ZNF281: variants seen among roughly 807,000 people sequenced by gnomAD.
The protein encoded by ZNF281 is GC-box-binding zinc finger protein 1.
Under a neutral mutation model 58.8 loss-of-function variants are expected in ZNF281, and 2 were observed. The ratio of observed to expected loss-of-function variants is 0.03; its 90% CI spans 0.01 to 0.11. ZNF281 has a LOEUF of 0.11. Among genes scored for constraint, ZNF281 ranks in the 10% least tolerant of loss-of-function variants. The pLI, the probability that ZNF281 is intolerant of heterozygous loss-of-function variation, is 1.00. For synonymous variants in ZNF281, 465 were observed against 407.7 expected (o/e 1.14, Z -1.69); for missense variants, 975 against 1,090.7 (o/e 0.89, Z 1.49).
In ZNF281 at chr1:200,406,880, A is replaced by G; in HGVS notation, c.*138T>C. On this transcript the variant is annotated 3_prime_UTR_variant, in exon 2 of 2. Transcript: ENST00000367353. Reference sequence around the variant, plus strand: ...AGAGCTAAAATCACGCTAACAAAATAAACTAAATATGAAAAGTTGCATTGA... The same window carrying G: ...AGAGCTAAAATCACGCTAACAAAATGAACTAAATATGAAAAGTTGCATTGA... 1 of 770,560 alleles carries G rather than the reference A, an allele frequency of 1.3e-6. No individual in the cohort carries two copies. The highest frequency in any genetic ancestry group is 2.0e-6 in the Non-Finnish European group (1 of 510,738). The allele number at this position is 770,560 out of a possible 1,614,324, so 47.7% of individuals were successfully genotyped here.
chr1:200,407,241 G>T lies in ZNF281; in HGVS notation c.2465C>A (p.Pro822His). 6.2e-7 allele frequency: 1 copy of T among 1,614,184 alleles called. No homozygotes were observed. Among genetic ancestry groups the T allele is most frequent in the Non-Finnish European group, 8.5e-7 (1 of 1,180,036 alleles). ...GTTCTCAATCTGATACGTTGTTCTA[G>T]GCTCTATGTCTTTCTGAGGATCTAT... ...SQIDPQKDIE[P>H]RTTYQIENFA... The change falls in exon 2 of 2, where the codon CCT (proline) becomes CAT (histidine). Residue 822 changes from proline (P) to histidine (H), a missense_variant. By Grantham distance (77) the Pro-to-His change is moderately conservative. Transcript: ENST00000367353.
Position 200,409,982 on chromosome 1 carries a change from T to G in ZNF281, c.-55A>C, listed in dbSNP as rs918337251. On this transcript the variant is annotated 5_prime_UTR_variant, in exon 1 of 2. Coordinates refer to ENST00000367353, the MANE Select transcript of ZNF281 (RefSeq NM_001281293.2). ...CCGCCGCAGCCGCCGTCGCCTCCAG[T>G]TAATAAAAATAACGCCGTCCTCTCC... is the stretch of plus-strand genomic sequence containing the variant. 8 of 586,712 alleles carry G rather than the reference T, an allele frequency of 1.4e-5. No homozygotes were observed. The highest frequency in any genetic ancestry group is 2.4e-5 in the Non-Finnish European group (8 of 333,192). 36.3% of individuals were successfully genotyped at this position (586,712 alleles called of 1,614,324 possible).
In ZNF281 at chr1:200,408,439, T is replaced by C; in HGVS notation, c.1267A>G (p.Thr423Ala). 6.2e-7 allele frequency: 1 copy of C among 1,614,170 alleles called. No homozygotes were observed. The highest frequency in any genetic ancestry group is 8.5e-7 in the Non-Finnish European group (1 of 1,180,012). Reference protein sequence around the residue: ...IENKEQKTGKTNESQISNNIN... With the variant: ...IENKEQKTGKANESQISNNIN... ...TTATTTGAAATTTGCGATTCATTTG[T>C]TTTACCGGTCTTCTGTTCCTTATTT... is the stretch of plus-strand genomic sequence containing the variant. Residue 423 changes from threonine (T) to alanine (A), a missense_variant, in exon 2 of 2, where the codon ACA (threonine) becomes GCA (alanine). Physicochemically the swap from Thr to Ala is moderately conservative, Grantham distance 58. This residue lies in a region of ZNF281 where 579 missense variants were observed against 608.9 expected (regional missense o/e 0.95). Coordinates refer to ENST00000367353, the MANE Select transcript of ZNF281 (RefSeq NM_001281293.2).
chr1:200,405,598 G>A lies in ZNF281; in HGVS notation c.*1420C>T, dbSNP rs1232380220. 1 of 152,166 alleles carries A rather than the reference G, an allele frequency of 6.6e-6. No homozygotes were observed. Among genetic ancestry groups the A allele is most frequent in the Non-Finnish European group, 1.5e-5 (1 of 68,020 alleles). The allele number at this position is 152,166 out of a possible 1,614,324, so 9.4% of individuals were successfully genotyped here. ...ATTGCTAAAAAGCAGTTTTAGAGTA[G>A]AGCCACTGCCAATCAGTAGCTTCAA... On this transcript the variant is annotated 3_prime_UTR_variant, in exon 2 of 2. Transcript: ENST00000367353.
rs190693169 is a variant in ZNF281 at position 200,406,606 on chromosome 1, C to T, written c.*412G>A. On this transcript the variant is annotated 3_prime_UTR_variant, in exon 2 of 2. Transcript: ENST00000367353. Reference sequence around the variant, plus strand: ...ATTGGATATTCCATTACAGTGATAACGTACAGAATTCCCATGCGTTATTAC... The same window carrying T: ...ATTGGATATTCCATTACAGTGATAATGTACAGAATTCCCATGCGTTATTAC... 215 of 158,374 alleles carry T rather than the reference C, an allele frequency of 1.4e-3. 2 individuals are homozygous for T. Among genetic ancestry groups the T allele is most frequent in the Admixed American group, 3.5e-3 (55 of 15,648 alleles). 9.8% of individuals were successfully genotyped at this position (158,374 alleles called of 1,614,324 possible).
rs1383234884 is a variant in ZNF281, at chr1:200,408,885, T to C, written c.821A>G (p.Tyr274Cys). 3 of 1,614,140 alleles carry C rather than the reference T, an allele frequency of 1.9e-6. No homozygotes were observed. Among genetic ancestry groups the C allele is most frequent in the East Asian group, 2.2e-5 (1 of 44,908 alleles). The change falls in exon 2 of 2, where the codon TAT becomes TGT. Residue 274 changes from tyrosine to cysteine, a missense_variant. Around this residue, in one of 3 missense-constraint regions of ZNF281, gnomAD observed 26 missense variants for 121.0 expected, o/e 0.21. Coordinates refer to ENST00000367353, the MANE Select transcript of ZNF281 (RefSeq NM_001281293.2). ...DHCSAAFRSS[Y>C]HLRRHVLIHT... ...AATGAGGACATGTCTCCGCAGGTGA[T>C]AGGAGCTTCGGAAAGCAGCACTACA...
chr1:200,407,455 C>A lies in ZNF281; in HGVS notation c.2251G>T (p.Ala751Ser). Residue 751 changes from alanine (A) to serine (S), a missense_variant, in exon 2 of 2, where the codon GCT (alanine) becomes TCT (serine). By Grantham distance (99) the Ala-to-Ser change is moderately conservative (BLOSUM62 1). Transcript: ENST00000367353. ...AACTGCTGATGTGTAGCATCCAAAG[C>A]AGACAAATAAAGACCTGGCTGAGAT... Reference protein sequence around the residue: ...FGSQPGLYLSALDATHQQLTP... With the variant: ...FGSQPGLYLSSLDATHQQLTP... 1 of 1,614,152 alleles carries A rather than the reference C, an allele frequency of 6.2e-7. No homozygotes were observed. The highest frequency in any genetic ancestry group is 1.1e-5 in the South Asian group (1 of 91,080).
At position 200,408,204 on chromosome 1, in the gene ZNF281, C is replaced by T. The variant is rs986761430; in HGVS notation, c.1502G>A (p.Gly501Asp). 6.2e-7 allele frequency: 1 copy of T among 1,613,304 alleles called. No individual in the cohort carries two copies. Residue 501 changes from glycine (G) to aspartate (D), a missense_variant, in exon 2 of 2, where the codon GGC becomes GAC. By Grantham distance (94) the Gly-to-Asp change is moderately conservative. This residue lies in a region of ZNF281 where 579 missense variants were observed against 608.9 expected (regional missense o/e 0.95). Transcript: ENST00000367353. The part of the protein sequence containing the change: ...GQKSLSGKPS[G>D]SLGIVSNNSV... ...ATTATTTGATACTATGCCAAGTGAGCCACTTGGTTTTCCAGACAAGGATTT... is the reference window on the plus strand; with the variant it reads ...ATTATTTGATACTATGCCAAGTGAGTCACTTGGTTTTCCAGACAAGGATTT...
At position 200,407,107 on chromosome 1, in the gene ZNF281, C is replaced by T; in HGVS notation, c.2599G>A (p.Asp867Asn). 1.2e-6 allele frequency: 2 copies of T among 1,614,172 alleles called. No individual in the cohort carries two copies. Among genetic ancestry groups the T allele is most frequent in the South Asian group, 1.1e-5 (1 of 91,092 alleles). The part of the protein sequence containing the change: ...VDHRVRTSVS[D>N]FSGYTNMMSD... ...ATCATATTTGTATACCCTGAGAAAT[C>T]TGACACTGAAGTCCTTACTCTATGG... Residue 867 changes from aspartate to asparagine, a missense_variant, in exon 2 of 2, where the codon GAT (aspartate) becomes AAT (asparagine). Asp to Asn is a conservative substitution (Grantham distance 23). Around this residue, in one of 3 missense-constraint regions of ZNF281, gnomAD observed 579 missense variants for 608.9 expected, o/e 0.95. Coordinates refer to ENST00000367353, the MANE Select transcript of ZNF281 (RefSeq NM_001281293.2).
At position 200,409,221 on chromosome 1, in the gene ZNF281, C is replaced by T; in HGVS notation, c.485G>A (p.Gly162Asp). The change falls in exon 2 of 2, where the codon GGC (glycine) becomes GAC (aspartate). Residue 162 changes from glycine (G) to aspartate (D), a missense_variant. By Grantham distance (94) the Gly-to-Asp change is moderately conservative (BLOSUM62 -1). Around this residue, in one of 3 missense-constraint regions of ZNF281, gnomAD observed 370 missense variants for 360.9 expected, o/e 1.03. Transcript: ENST00000367353. Reference sequence around the variant, plus strand: ...ACTCCCCCCTTCACCGCCTCCTAGGCCTGGAGACCTCTCTTCAGCTCCAGC... The same window carrying T: ...ACTCCCCCCTTCACCGCCTCCTAGGTCTGGAGACCTCTCTTCAGCTCCAGC... ...LFAGAEERSP[G>D]LGGGEGGSHG... 10 of 1,614,074 alleles carry T rather than the reference C, an allele frequency of 6.2e-6. No individual in the cohort carries two copies. Among genetic ancestry groups the T allele is most frequent in the Non-Finnish European group, 8.5e-6 (10 of 1,180,026 alleles).
At chr1:200,409,778 C>G (rs1012462082) in intron 1 of ZNF281, 55 bp from the exon 2 acceptor site, 3 of 1,516,520 alleles carry the variant, frequency 2.0e-6, no homozygotes, top group Non-Finnish European at 2.6e-6. Context: ...GAACCGGGCC[C>G]CGGGCCGGGA....
rs558147727 is a variant in ZNF281 at position 200,405,408 on chromosome 1, G to A, written c.*1610C>T. 23 of 152,252 alleles carry A rather than the reference G, an allele frequency of 1.5e-4. No homozygotes were observed. Among genetic ancestry groups the A allele is most frequent in the African/African-American group, 7.2e-5 (3 of 41,550 alleles). The allele number at this position is 152,252 out of a possible 1,614,324, so 9.4% of individuals were successfully genotyped here. A position where few individuals can be genotyped will look rare whatever the true frequency, so the allele number is the denominator to read the frequency against. ...CAATATTAATTACTTTATTATACAT[G>A]GAAGCCTGCGGTAGGCTGATTACAC... On this transcript the variant is annotated 3_prime_UTR_variant, in exon 2 of 2. Coordinates refer to ENST00000367353, the MANE Select transcript of ZNF281 (RefSeq NM_001281293.2).
Position 200,407,888 on chromosome 1 carries a change from A to G in ZNF281, c.1818T>C (p.Val606=). 6.2e-7 allele frequency: 1 copy of G among 1,614,094 alleles called. No individual in the cohort carries two copies. The highest frequency in any genetic ancestry group is 2.2e-5 in the East Asian group (1 of 44,878). ...AGTATTGATCCAAAATACTTTGTAA[A>G]ACCTCATCAGGAATTCCAGACTTGT... The part of the protein sequence containing the change: ...CHDKSGIPDE[V]LQSILDQYSN... The change falls in exon 2 of 2, where the codon GTT becomes GTC. Residue 606 remains valine, a synonymous_variant. Coordinates refer to ENST00000367353, the MANE Select transcript of ZNF281 (RefSeq NM_001281293.2).
In ZNF281 at chr1:200,407,167, T is replaced by C. The variant is rs746837803; in HGVS notation, c.2539A>G (p.Met847Val). Residue 847 changes from methionine (M) to valine (V), a missense_variant, in exon 2 of 2, where the codon ATG becomes GTG. Coordinates refer to ENST00000367353, the MANE Select transcript of ZNF281 (RefSeq NM_001281293.2). ...SQFKSGSRVP[M>V]TFITNSNGEV... The stretch of plus-strand genomic sequence containing the variant: ...CCATTAGAGTTAGTGATAAAGGTCA[T>C]TGGCACCCTGCTGCCCGACTTAAAC... 13 of 1,614,104 alleles carry C rather than the reference T, an allele frequency of 8.1e-6. No individual in the cohort carries two copies. Among genetic ancestry groups the C allele is most frequent in the African/African-American group, 5.3e-5 (4 of 74,942 alleles).
At position 200,407,049 on chromosome 1, in the gene ZNF281, A is replaced by T. The variant is rs1444691556; in HGVS notation, c.2657T>A (p.Val886Glu). ...GTAACTCTGGCTGGTGGGTGTCTTT[A>T]CTCTTGTACTACATGGCTCACTTAC... ...SDVSEPCSTR[V>E]KTPTSQSYR The change falls in exon 2 of 2, where the codon GTA becomes GAA. Residue 886 changes from valine (V) to glutamate (E), a missense_variant. Coordinates refer to ENST00000367353, the MANE Select transcript of ZNF281 (RefSeq NM_001281293.2). The T allele has an allele frequency of 3.7e-6, 6 of 1,613,012 alleles. No homozygotes were observed. The highest frequency in any genetic ancestry group is 3.4e-6 in the Non-Finnish European group (4 of 1,179,518).
rs888137625 is a variant in ZNF281, at chr1:200,410,002, C to T, written c.-75G>A. ...TCCAGTTAATAAAAATAACGCCGTC[C>T]TCTCCACAATGGAATTAAAAGCCTC... is the stretch of plus-strand genomic sequence containing the variant. On this transcript the variant is annotated 5_prime_UTR_variant, in exon 1 of 2. Coordinates refer to ENST00000367353, the MANE Select transcript of ZNF281 (RefSeq NM_001281293.2). 8 of 564,166 alleles carry T rather than the reference C, an allele frequency of 1.4e-5. 1 individual carries two copies. Among genetic ancestry groups the T allele is most frequent in the Admixed American group, 6.4e-5 (2 of 31,410 alleles). The allele number at this position is 564,166 out of a possible 1,614,324, so 34.9% of individuals were successfully genotyped here.
chr1:200,407,532 G>A lies in ZNF281; in HGVS notation c.2174C>T (p.Thr725Ile), dbSNP rs1447044841. The change falls in exon 2 of 2, where the codon ACC becomes ATC. Residue 725 changes from threonine to isoleucine, a missense_variant. Around this residue, in one of 3 missense-constraint regions of ZNF281, gnomAD observed 579 missense variants for 608.9 expected, o/e 0.95. Transcript: ENST00000367353. Reference protein sequence around the residue: ...PLECGFGQSVTSVLPSSLPKP... With the variant: ...PLECGFGQSVISVLPSSLPKP... ...TGGCAATGAAGATGGCAACACTGAGGTAACAGATTGGCCGAAACCACACTC... is the reference window on the plus strand; with the variant it reads ...TGGCAATGAAGATGGCAACACTGAGATAACAGATTGGCCGAAACCACACTC... 6.2e-7 allele frequency: 1 copy of A among 1,614,180 alleles called. No individual in the cohort carries two copies. The highest frequency in any genetic ancestry group is 1.7e-5 in the Admixed American group (1 of 60,016).
chr1:200,409,863 C>T, intron 1 of ZNF281, 83 bp downstream of exon 1: 3 of 1,151,600 alleles, frequency 2.6e-6, no homozygotes, highest in South Asian at 3.2e-5. Flanking sequence ...CCAGCCCAGT[C>T]GCCTCCGGCA....
In ZNF281 at chr1:200,409,274, A is replaced by G. The variant is rs1553244069; in HGVS notation, c.432T>C (p.His144=). 5 of 1,613,020 alleles carry G rather than the reference A, an allele frequency of 3.1e-6. No individual in the cohort carries two copies. Among genetic ancestry groups the G allele is most frequent in the East Asian group, 2.2e-5 (1 of 44,852 alleles). ...ACAGCCCCCCATAGTGGTGGTGGTG[A>G]TGGTGGTGGTGGGACTGCTGCTCCT... The part of the protein sequence containing the change: ...DPEEQQSHHH[H]HHHHYGGLFA... The change falls in exon 2 of 2, where the codon CAT becomes CAC. Residue 144 remains histidine, a synonymous_variant. Transcript: ENST00000367353.
Sources: allele counts gnomAD v4.1 joint callset, GRCh38; gene constraint gnomAD v4.1.1; regional missense constraint gnomAD v4.1.1; transcripts MANE v1.5; gene names NCBI Gene and HGNC (gene_info 2026-07-23, HGNC 2026-07-21).